PLCB4: variants seen among roughly 807,000 people sequenced by gnomAD.
PLCB4 encodes the protein phospholipase C beta 4.
Under a neutral mutation model 178.8 loss-of-function variants are expected in PLCB4, and 77 were observed. The ratio of observed to expected loss-of-function variants is 0.43; its 90% CI spans 0.36 to 0.52. PLCB4 has a LOEUF of 0.52. Among genes scored for constraint, PLCB4 ranks in the 20% least tolerant of loss-of-function variants. The pLI, the probability that PLCB4 is intolerant of heterozygous loss-of-function variation, is 0.00. For missense variants in PLCB4, 1,024 were observed against 1,453.4 expected (o/e 0.70, Z 4.80); for synonymous variants, 496 against 490.8 (o/e 1.01, Z -0.14).
At chr20:9,127,354 C>T (rs1224539401) in intron 2 of PLCB4, among the ~76,000 whole-genome samples, 1 of 152,072 alleles carries the variant, frequency 6.6e-6, no homozygotes, top group East Asian at 1.9e-4. Flanking sequence ...TCCTGAAAGC[C>T]ACCTCTGTGA....
intron 4 of PLCB4, among the ~76,000 whole-genome samples, chr20:9,317,981 C>A (rs1373454410): frequency 4.6e-5 from 7 of 152,044 alleles, no homozygotes; most frequent in Non-Finnish European, 8.8e-5. Context: ...CACCTGTAAT[C>A]CCAGCTGAAA....
intron 2 of PLCB4, among the ~76,000 whole-genome samples, chr20:9,128,435 G>A (rs1196811986): frequency 6.6e-6 from 1 of 151,940 alleles, no homozygotes; most frequent in Non-Finnish European, 1.5e-5. Flanking sequence ...ATTAGTTTTT[G>A]AAATAGAATC....
chr20:9,225,331 C>T (rs888790245), intron 3 of PLCB4, among the ~76,000 whole-genome samples: 1 of 152,142 alleles, frequency 6.6e-6, no homozygotes, highest in Admixed American at 6.5e-5. Flanking sequence ...TCATTTCCTA[C>T]TTAACAAATG....
At chr20:9,347,703 C>T (rs1174272013) in intron 7 of PLCB4, among the ~76,000 whole-genome samples, 1 of 152,152 alleles carries the variant, frequency 6.6e-6, no homozygotes, top group East Asian at 1.9e-4. Flanking sequence ...ACTGGCTGGG[C>T]ATGGTGGCTC....
chr20:9,426,997 C>T (rs537525851), intron 28 of PLCB4, among the ~76,000 whole-genome samples: 12 of 152,054 alleles, frequency 7.9e-5, no homozygotes, highest in Admixed American at 6.6e-4. Context: ...GGCCGAGGCG[C>T]GTGGATCACA....
At chr20:9,389,249 G>A (rs560491309) in intron 15 of PLCB4, among the ~76,000 whole-genome samples, 45 of 152,218 alleles carry the variant, frequency 3.0e-4, no homozygotes, top group Admixed American at 5.9e-4. Context: ...GTTACAGATG[G>A]GGGGTCAAGA....
At chr20:9,393,496 C>A in intron 17 of PLCB4, 92 bp from the exon 18 acceptor site, 1 of 800,016 alleles carries the variant, frequency 1.2e-6, no homozygotes, top group South Asian at 1.6e-5. Context: ...TGGGTTGCAT[C>A]ACTCCCAGGC....
intron 2 of PLCB4, among the ~76,000 whole-genome samples, chr20:9,100,073 A>G (rs1046689679): frequency 1.3e-5 from 2 of 152,238 alleles, no homozygotes; most frequent in African/African-American, 4.8e-5. Context: ...AGGCACACTC[A>G]TGGGACTTCA....
intron 2 of PLCB4, among the ~76,000 whole-genome samples, chr20:9,116,127 T>C (rs1010965671): frequency 1.3e-5 from 2 of 151,966 alleles, no homozygotes; most frequent in East Asian, 1.9e-4. Context: ...ATTTCTGATA[T>C]TGTATCCGTG....
chr20:9,097,114 T>C (rs1430911159), intron 2 of PLCB4, among the ~76,000 whole-genome samples: 3 of 151,862 alleles, frequency 2.0e-5, no homozygotes, highest in African/African-American at 7.3e-5. Context: ...TTTGTATCTC[T>C]AGTAGTGATG....
rs532798715 is a variant in PLCB4 at position 9,183,703 on chromosome 20, A to G, written c.-78-33687A>G. Among the ~76,000 whole-genome samples the G allele has an allele frequency of 7.9e-5, 12 of 152,244 alleles. No homozygotes were observed. The South Asian group carries it at 2.5e-3, about 32-fold the overall frequency. Reference sequence around the variant, plus strand: ...GACGTTTAAAGTTGTATACAAATTGAATTAGGGAAAATGGAATCTCACTTT... The same window carrying G: ...GACGTTTAAAGTTGTATACAAATTGGATTAGGGAAAATGGAATCTCACTTT... On this transcript the variant is annotated intron_variant, in intron 2 of 39. Transcript: ENST00000378473.
At chr20:9,154,234 A>G (rs970309009) in intron 2 of PLCB4, among the ~76,000 whole-genome samples, 10 of 152,132 alleles carry the variant, frequency 6.6e-5, no homozygotes, top group African/African-American at 1.9e-4. Flanking sequence ...GTTCCATATA[A>G]CACTTTAAAA....
At chr20:9,198,372 GAGA>G (rs2147174403) in intron 2 of PLCB4, among the ~76,000 whole-genome samples, 1 of 152,266 alleles carries the variant, frequency 6.6e-6, no homozygotes, top group East Asian at 1.9e-4. Context: ...ATAGAAGAAA[GAGA>G]AGAAGGTAGG....
intron 4 of PLCB4, among the ~76,000 whole-genome samples, chr20:9,311,539 T>C (rs2147895129): frequency 6.6e-6 from 1 of 152,294 alleles, no homozygotes; most frequent in African/African-American, 2.4e-5. Flanking sequence ...CTGTTCCTGT[T>C]TCCTTTATTT....
chr20:9,097,491 C>G (rs1452247776), intron 2 of PLCB4, among the ~76,000 whole-genome samples: 2 of 151,880 alleles, frequency 1.3e-5, no homozygotes, highest in Non-Finnish European at 2.9e-5. Context: ...TGACCTTGTG[C>G]CATTATCCTT....
chr20:9,288,408 T>TC (rs1285729473), intron 3 of PLCB4, among the ~76,000 whole-genome samples: 2 of 97,126 alleles, frequency 2.1e-5, no homozygotes, highest in Non-Finnish European at 3.4e-5. Flanking sequence ...TGTAGTTGCT[T>TC]TTTTTTTTTT....
intron 3 of PLCB4, among the ~76,000 whole-genome samples, chr20:9,247,443 T>A (rs1014842280): frequency 6.6e-6 from 1 of 152,188 alleles, no homozygotes; most frequent in Non-Finnish European, 1.5e-5. Context: ...ATTGTAGACA[T>A]TATGTAAACT....
intron 3 of PLCB4, among the ~76,000 whole-genome samples, chr20:9,273,675 AGTGTGTGTGTGTGT>A (rs398035325): frequency 1.1e-4 from 15 of 135,944 alleles, no homozygotes; most frequent in Admixed American, 5.1e-4. Flanking sequence ...TTATGGTTGC[AGTGTGTGTGTGTGT>A]GTGTGTGTGT....
chr20:9,112,026 T>C (rs1255894350), intron 2 of PLCB4, among the ~76,000 whole-genome samples: 3 of 152,296 alleles, frequency 2.0e-5, no homozygotes, highest in African/African-American at 7.2e-5. Flanking sequence ...GCCTTACATT[T>C]AGACCAAATT....
Sources: allele counts gnomAD v4.1 joint callset (sites outside exome capture counted in the v4.1 genomes callset), GRCh38; gene constraint gnomAD v4.1.1; transcripts MANE v1.5; gene names NCBI Gene and HGNC (gene_info 2026-07-23, HGNC 2026-07-21).